The following SLCO1B3 variants were observed in gnomAD, a reference collection of about 807,000 sequenced individuals.
SLCO1B3 encodes liver-specific organic anion transporter 2.
A neutral mutation model predicts 71.8 loss-of-function variants in SLCO1B3; 72 were observed. That is an observed-to-expected ratio of 1.00 (90% CI 0.83 to 1.22). The LOEUF (loss-of-function observed/expected upper bound fraction) is 1.22. Among genes scored for constraint, SLCO1B3 ranks in the 50% most tolerant of loss-of-function variants. SLCO1B3 has a pLI of 0.00. For missense variants in SLCO1B3, 911 were observed against 819.7 expected, an observed-to-expected ratio of 1.11 and a Z score of -1.36; for synonymous variants, 298 against 278.4, an observed-to-expected ratio of 1.07 and a Z score of -0.70.
chr12:20,849,843 A>C (rs2121204199), intron 3 of SLCO1B3, among the ~76,000 whole-genome samples: 1 of 152,116 alleles, frequency 6.6e-6, no homozygotes, highest in South Asian at 2.1e-4. Context: ...TATAGGAACA[A>C]ATTTAAACAA....
chr12:20,841,203 T>C (rs1201009563), intron 3 of SLCO1B3, among the ~76,000 whole-genome samples: 1 of 152,174 alleles, frequency 6.6e-6, no homozygotes, highest in Admixed American at 6.5e-5. Context: ...GAGACAGTGG[T>C]TTGCCACATG....
At position 20,916,276 on chromosome 12, in the gene SLCO1B3, T is replaced by G. The variant is rs779239464; in HGVS notation, c.*29T>G. On this transcript the variant is annotated 3_prime_UTR_variant, in exon 16 of 16. Transcript: ENST00000381545. ...TGCATTGATTCATTAAGATGTTATT[T>G]TTGAGGTGTTCCTGGTCTTTCACTG... 6.3e-7 allele frequency: 1 copy of G among 1,599,526 alleles called. No homozygotes were observed. Among genetic ancestry groups the G allele is most frequent in the South Asian group, 1.1e-5 (1 of 89,482 alleles).
chr12:20,862,338 A>T (rs531842156), intron 6 of SLCO1B3, 74 bp from the exon 7 acceptor site: 1 of 1,460,576 alleles, frequency 6.8e-7, no homozygotes, highest in African/African-American at 1.4e-5. Context: ...AAAATGAAGG[A>T]TTTAAAGTAG....
chr12:20,812,203 G>C (rs565978535), intron 1 of SLCO1B3, among the ~76,000 whole-genome samples: 1 of 151,876 alleles, frequency 6.6e-6, no homozygotes, highest in African/African-American at 2.4e-5. Context: ...CACTGCTCCC[G>C]GCCTACTTGA....
At chr12:20,894,435 A>C (rs1162769818) in intron 13 of SLCO1B3, among the ~76,000 whole-genome samples, 1 of 152,092 alleles carries the variant, frequency 6.6e-6, no homozygotes, top group Non-Finnish European at 1.5e-5. Flanking sequence ...CACATTCATC[A>C]TCTCCACTGA....
rs116904774 is a variant in SLCO1B3 at position 20,829,207 on chromosome 12, C to G, written c.84+13385C>G. Among the ~76,000 whole-genome samples, 164 of 152,256 alleles carry G rather than the reference C, an allele frequency of 1.1e-3. 4 individuals carry two copies. The South Asian group carries it at 0.033, about 31-fold the overall frequency. On this transcript the variant is annotated intron_variant, in intron 3 of 15. Coordinates refer to ENST00000381545, the MANE Select transcript of SLCO1B3 (RefSeq NM_019844.4). ...TTATAGGATCGCTGAGTGATCTAAT[C>G]GTACGGAGAAATTAAGGCCAGCTAG...
At chr12:20,844,237 C>A (rs1021693862) in intron 3 of SLCO1B3, among the ~76,000 whole-genome samples, 2 of 151,558 alleles carry the variant, frequency 1.3e-5, no homozygotes, top group African/African-American at 2.4e-5. Context: ...ATAAAGATAC[C>A]TTACATATAT....
chr12:20,864,318 T>C (rs556856943), intron 8 of SLCO1B3, among the ~76,000 whole-genome samples: 6 of 151,838 alleles, frequency 4.0e-5, no homozygotes, highest in Admixed American at 1.3e-4. Flanking sequence ...ACCATCTCTT[T>C]GAGAACATGA....
chr12:20,904,445 C>T (rs936182051), intron 15 of SLCO1B3, among the ~76,000 whole-genome samples: 1 of 152,090 alleles, frequency 6.6e-6, no homozygotes, highest in Non-Finnish European at 1.5e-5. Flanking sequence ...CACAATGATG[C>T]AAGAGATTTG....
Position 20,815,800 on chromosome 12 carries a change from C to G in SLCO1B3, c.62C>G (p.Thr21Arg). The change falls in exon 3 of 16, where the codon ACA becomes AGA. Residue 21 changes from threonine (T) to arginine (R), a missense_variant. By Grantham distance (71) the Thr-to-Arg change is moderately conservative (BLOSUM62 -1). Coordinates refer to ENST00000381545, the MANE Select transcript of SLCO1B3 (RefSeq NM_019844.4). ...TCAGCATCTTCAGAGAAAAAGAAAA[C>G]AAGACGCTGCAATGGATTCAAGGTA... The part of the protein sequence containing the change: ...AESASSEKKK[T>R]RRCNGFKMFL... 6.3e-7 allele frequency: 1 copy of G among 1,593,192 alleles called. No homozygotes were observed. The highest frequency in any genetic ancestry group is 2.3e-5 in the East Asian group (1 of 44,330).
At chr12:20,873,931 T>G (rs1356750579) in intron 8 of SLCO1B3, among the ~76,000 whole-genome samples, 1 of 152,228 alleles carries the variant, frequency 6.6e-6, no homozygotes, top group African/African-American at 2.4e-5. Context: ...GCAAAGGACA[T>G]TATCTCCTTC....
intron 3 of SLCO1B3, among the ~76,000 whole-genome samples, chr12:20,846,559 A>C (rs1322598183): frequency 6.6e-6 from 1 of 152,210 alleles, no homozygotes; most frequent in East Asian, 1.9e-4. Flanking sequence ...GAGTTTGCCC[A>C]GAAAAAGTAT....
Position 20,853,862 on chromosome 12 carries a change from C to T in SLCO1B3, c.85-1166C>T, listed in dbSNP as rs572747532. On this transcript the variant is annotated intron_variant, in intron 3 of 15. Coordinates refer to ENST00000381545, the MANE Select transcript of SLCO1B3 (RefSeq NM_019844.4). ...CTTAATATCAATTTATAAACTTTCCCTTTAGTGCTGCTTCCACTGCATCAC... is the reference window on the plus strand; with the variant it reads ...CTTAATATCAATTTATAAACTTTCCTTTTAGTGCTGCTTCCACTGCATCAC... 7.4e-5 allele frequency among the ~76,000 whole-genome samples: 11 copies of T among 149,494 alleles called. No homozygotes were observed. In the East Asian group the frequency reaches 2.0e-3, roughly 28 times the overall value.
In SLCO1B3 at chr12:20,903,763, A is replaced by G. The variant is rs371268624; in HGVS notation, c.1865+2296A>G. ...GGGCAGAGACACAAACCCAAACCAT[A>G]TCTTTCAATCCCTGGTCGTTCCCAA... On this transcript the variant is annotated intron_variant, in intron 15 of 15. Transcript: ENST00000381545. Among the ~76,000 whole-genome samples, 39 of 152,278 alleles carry G rather than the reference A, an allele frequency of 2.6e-4. 1 individual carries two copies. In the South Asian group the frequency reaches 7.9e-3, roughly 31 times the overall value.
chr12:20,829,437 A>G (rs950459066), intron 3 of SLCO1B3, among the ~76,000 whole-genome samples: 1 of 152,202 alleles, frequency 6.6e-6, no homozygotes. Flanking sequence ...GGAGCAGGAA[A>G]ACTCCCCTTC....
intron 15 of SLCO1B3, among the ~76,000 whole-genome samples, chr12:20,905,362 T>G (rs2120411004): frequency 6.6e-6 from 1 of 152,302 alleles, no homozygotes; most frequent in South Asian, 2.1e-4. Context: ...TTATGCAAAT[T>G]TCTACAGCAG....
chr12:20,890,625 C>T (rs1188040282), intron 13 of SLCO1B3, among the ~76,000 whole-genome samples: 1 of 152,106 alleles, frequency 6.6e-6, no homozygotes, highest in Non-Finnish European at 1.5e-5. Flanking sequence ...ATTGAAAGAC[C>T]CCACTACTGT....
intron 7 of SLCO1B3, 43 bp downstream of exon 7, chr12:20,862,601 GA>G: frequency 1.3e-6 from 2 of 1,533,948 alleles, no homozygotes; most frequent in Middle Eastern, 3.5e-4. Flanking sequence ...ACATTCCCTG[GA>G]TCTACCCTTG....
intron 8 of SLCO1B3, among the ~76,000 whole-genome samples, chr12:20,863,772 CTAACA>C (rs1387954586): frequency 2.0e-4 from 31 of 152,142 alleles, no homozygotes; most frequent in Non-Finnish European, 4.0e-4. Context: ...AAAACATCAT[CTAACA>C]TAAGTATCTC....
Sources: gnomAD v4.1 joint callset for allele counts (sites outside exome capture counted in the v4.1 genomes callset) on GRCh38, gnomAD v4.1.1 for gene constraint, MANE v1.5 for transcripts, NCBI Gene and HGNC (gene_info 2026-07-23, HGNC 2026-07-21) for gene names.